CLCN6: variants seen among roughly 807,000 people sequenced by gnomAD.
CLCN6 encodes the protein Cl-/H+ antiporter 6, also known as H(+)/Cl(-) exchange transporter 6.
In CLCN6, 70 loss-of-function variants were observed where a neutral mutation model predicts 109.8. The ratio of observed to expected loss-of-function variants is 0.64; its 90% CI spans 0.53 to 0.78. CLCN6 has a LOEUF of 0.78. Ranked by LOEUF, CLCN6 falls within the 30% of genes least tolerant of loss-of-function variation. The pLI is 0.00. For synonymous variants in CLCN6, 444 were observed against 447.8 expected (o/e 0.99, Z 0.11); for missense variants, 984 against 1,142.3 (o/e 0.86, Z 2.00).
chr1:11,837,025 C>A lies in CLCN6; in HGVS notation c.2007C>A (p.Gly669=), dbSNP rs41275500. 2.5e-6 allele frequency: 4 copies of A among 1,611,470 alleles called. No homozygotes were observed. The African/African-American group carries it at 5.3e-5, about 22-fold the overall frequency. ...AATCCAGCATCCTCACCCGGGCTGG[C>A]GAGCAGCGCAAACGGAGCCAGTCCA... ...FKKSSILTRA[G]EQRKRSQSMK... The change falls in exon 19 of 23, where the codon GGC becomes GGA. Residue 669 remains glycine (G), a synonymous_variant. Transcript: ENST00000346436.
chr1:11,835,379 C>T (rs1030847264), intron 17 of CLCN6, among the ~76,000 whole-genome samples: 1 of 152,156 alleles, frequency 6.6e-6, no homozygotes, highest in African/African-American at 2.4e-5. Flanking sequence ...CTCAAGCGAT[C>T]CTCCACCTCA....
intron 2 of CLCN6, among the ~76,000 whole-genome samples, chr1:11,807,704 C>T (rs139504891): frequency 1.1e-4 from 16 of 152,238 alleles, no homozygotes; most frequent in African/African-American, 3.4e-4. Flanking sequence ...AAACAACATG[C>T]GTGACTTTTT....
intron 2 of CLCN6, among the ~76,000 whole-genome samples, chr1:11,809,521 T>C (rs4846056): frequency 0.74 from 113,269 of 152,072 alleles, 42,376 homozygotes; most frequent in East Asian, 0.9. Context: ...GGTACGGTCT[T>C]GGATCACTGC....
intron 2 of CLCN6, among the ~76,000 whole-genome samples, chr1:11,809,706 C>T (rs1031843980): frequency 4.6e-5 from 7 of 152,216 alleles, no homozygotes; most frequent in African/African-American, 1.7e-4. Context: ...GATCCACCCA[C>T]CTCAGCCTCC....
rs201010581 is a variant in CLCN6 at position 11,827,153 on chromosome 1, A to G, written c.772A>G (p.Ile258Val). 76 of 1,613,944 alleles carry G rather than the reference A, an allele frequency of 4.7e-5. No individual in the cohort carries two copies. The Middle Eastern group carries it at 5.0e-4, about 11-fold the overall frequency. The change falls in exon 10 of 23, where the codon ATC (isoleucine) becomes GTC (valine). Residue 258 changes from isoleucine (I) to valine (V), a missense_variant. By Grantham distance (29) the Ile-to-Val change is conservative. Coordinates refer to ENST00000346436, the MANE Select transcript of CLCN6 (RefSeq NM_001286.5). ...AGTTGCTGCAGCTTTCGGGGCGCCA[A>G]TCGGGGGTACCTTGTTCAGTCTAGA... ...AGVAAAFGAP[I>V]GGTLFSLEEG...
rs190326973 is a variant in CLCN6 at position 11,812,727 on chromosome 1, A to G, written c.148-3119A>G. The stretch of plus-strand genomic sequence containing the variant: ...GTGTGTGTGTATTGTTGGGGCTCAG[A>G]AAATGATACCTGGAAATATGGTGCT... On this transcript the variant is annotated intron_variant, in intron 2 of 22. Transcript: ENST00000346436. Among the ~76,000 whole-genome samples, 716 of 148,590 alleles carry G rather than the reference A, an allele frequency of 4.8e-3. 4 individuals carry two copies. The highest frequency in any genetic ancestry group is 8.7e-3 in the Non-Finnish European group (584 of 67,302).
rs1203645389 is a variant in CLCN6, at chr1:11,824,612, A to T, written c.648+59A>T. Reference sequence around the variant, plus strand: ...CAGGCCTAGTGGGAGGTCTGGTTACACTGGGCCAAATCCATTGGGACACCC... The same window carrying T: ...CAGGCCTAGTGGGAGGTCTGGTTACTCTGGGCCAAATCCATTGGGACACCC... On this transcript the variant is annotated intron_variant, in intron 8 of 22. Transcript: ENST00000346436. 3 of 1,436,560 alleles carry T rather than the reference A, an allele frequency of 2.1e-6. No individual in the cohort carries two copies. The East Asian group carries it at 7.0e-5, about 34-fold the overall frequency. The allele number at this position is 1,436,560 out of a possible 1,614,324, so 89.0% of individuals were successfully genotyped here. A position where few individuals can be genotyped will look rare whatever the true frequency, so the allele number is the denominator to read the frequency against.
At chr1:11,840,024 GCTGTGC>G in intron 22 of CLCN6, 113 bp from the exon 23 acceptor site, 1 of 814,436 alleles carries the variant, frequency 1.2e-6, no homozygotes, top group Non-Finnish European at 2.1e-6. Context: ...GCTGTGTCTG[GCTGTGC>G]ACTATCCAGG....
intron 5 of CLCN6, among the ~76,000 whole-genome samples, chr1:11,821,672 C>CAGTAAACCTCT (rs1553191056): frequency 6.6e-6 from 1 of 152,136 alleles, no homozygotes; most frequent in Non-Finnish European, 1.5e-5. Flanking sequence ...AAAAACTGGC[C>CAGTAAACCTCT]AGTAAACCTC....
intron 2 of CLCN6, among the ~76,000 whole-genome samples, chr1:11,808,996 G>A (rs1644562188): frequency 6.6e-6 from 1 of 151,722 alleles, no homozygotes; most frequent in Non-Finnish European, 1.5e-5. Context: ...CGAGTAGATG[G>A]GATTACAGGC....
chr1:11,814,771 GC>G (rs902566757), intron 2 of CLCN6, among the ~76,000 whole-genome samples: 3 of 151,906 alleles, frequency 2.0e-5, no homozygotes, highest in African/African-American at 7.2e-5. Context: ...AGTGGCTCAT[GC>G]CTGTAATCCC....
intron 13 of CLCN6, among the ~76,000 whole-genome samples, chr1:11,830,919 C>T (rs990531877): frequency 2.3e-4 from 35 of 151,794 alleles, no homozygotes; most frequent in African/African-American, 7.7e-4. Flanking sequence ...CTGCAACTTC[C>T]GCCTCCCAAG....
chr1:11,840,147 TG>T lies in CLCN6; in HGVS notation c.2538del (p.Ile847SerfsTer16). 1 of 1,613,708 alleles carries T rather than the reference TG, an allele frequency of 6.2e-7. No individual in the cohort carries two copies. Among genetic ancestry groups the T allele is most frequent in the Non-Finnish European group, 8.5e-7 (1 of 1,179,888 alleles). Reference protein sequence around the residue: ...LPVVNAVGEIVGIITRHNLTY... With the variant: ...LPVVNAVGEIXGIITRHNLTY... ...CAGGCCTTCTCTTTGCCCTAGATCG[TG>T]GGGATCATCACACGGCACAACCTCA... On this transcript the variant is annotated frameshift_variant, in exon 23 of 23. Coordinates refer to ENST00000346436, the MANE Select transcript of CLCN6 (RefSeq NM_001286.5). LOFTEE classifies it high-confidence loss of function.
At chr1:11,831,158 TGTTTTTGTTTTTG>T (rs1212516251) in intron 13 of CLCN6, among the ~76,000 whole-genome samples, 93 of 117,894 alleles carry the variant, frequency 7.9e-4, no homozygotes, top group African/African-American at 3.3e-3. Context: ...TTTTTGTTTT[TGTTTTTGTTTTTG>T]TTTTTGGCAA....
chr1:11,838,481 C>T, intron 21 of CLCN6, 39 bp downstream of exon 21: 5 of 1,608,172 alleles, frequency 3.1e-6, no homozygotes, highest in Non-Finnish European at 4.3e-6. Flanking sequence ...TGCGGAGCTG[C>T]CTCTTCATGC....
rs1644908479 is a variant in CLCN6 at position 11,833,743 on chromosome 1, C to T, written c.1372+105C>T. 5.7e-6 allele frequency: 9 copies of T among 1,568,366 alleles called. 1 individual carries two copies. The South Asian group carries it at 1.1e-4, about 19-fold the overall frequency. On this transcript the variant is annotated intron_variant, in intron 14 of 22. Transcript: ENST00000346436. ...AAGACCAGGACTTCTTTGTAACGCCCACCCAGACAAAAGATTGGTTTCTGC... is the reference window on the plus strand; with the variant it reads ...AAGACCAGGACTTCTTTGTAACGCCTACCCAGACAAAAGATTGGTTTCTGC...
intron 13 of CLCN6, among the ~76,000 whole-genome samples, chr1:11,833,172 C>G (rs868359165): frequency 7.2e-5 from 11 of 152,144 alleles, no homozygotes; most frequent in Non-Finnish European, 1.3e-4. Context: ...TCATATTCCC[C>G]CAGTCCTAGG....
intron 1 of CLCN6, 86 bp downstream of exon 1, chr1:11,806,435 C>A: frequency 7.8e-7 from 1 of 1,283,034 alleles, no homozygotes; most frequent in Non-Finnish European, 1.0e-6. Context: ...CCGGGCCAAT[C>A]TGGGCCCGCA....
At position 11,838,647 on chromosome 1, in the gene CLCN6, A is replaced by G; in HGVS notation, c.2516A>G (p.Asn839Ser). The G allele has an allele frequency of 6.2e-7, 1 of 1,614,168 alleles. No individual in the cohort carries two copies. Among genetic ancestry groups the G allele is most frequent in the East Asian group, 2.2e-5 (1 of 44,880 alleles). ...TMGLRHLPVVNAVGEIVGIIT... is the reference protein window; with the variant it reads ...TMGLRHLPVVSAVGEIVGIIT... ...GGCCTGCGCCACCTGCCCGTGGTGA[A>G]CGCTGTGGGAGAGGTGAGCGAGGCC... Residue 839 changes from asparagine (N) to serine (S), a missense_variant, in exon 22 of 23, where the codon AAC becomes AGC. Asn to Ser is a conservative substitution (Grantham distance 46, BLOSUM62 1). Coordinates refer to ENST00000346436, the MANE Select transcript of CLCN6 (RefSeq NM_001286.5).
Sources: gnomAD v4.1 joint callset for allele counts (sites outside exome capture counted in the v4.1 genomes callset) on GRCh38, gnomAD v4.1.1 for gene constraint, MANE v1.5 for transcripts, NCBI Gene and HGNC (gene_info 2026-07-23, HGNC 2026-07-21) for gene names.